ANGPTL6: variants seen among roughly 807,000 people sequenced by gnomAD.
ANGPTL6 encodes the protein angiopoietin-related protein 6.
In ANGPTL6, 45 loss-of-function variants were observed where a neutral mutation model predicts 47.4. The observed-to-expected ratio is 0.95, with a 90% CI of 0.75 to 1.22. The LOEUF (loss-of-function observed/expected upper bound fraction) is 1.22, where lower values mean the gene tolerates loss of function less well. Among genes scored for constraint, ANGPTL6 ranks in the 50% most tolerant of loss-of-function variants. The probability of loss-of-function intolerance (pLI) is 0.00; values close to 1 mark genes in which losing one functional copy is unlikely to be tolerated. For missense variants in ANGPTL6, 698 were observed against 669.4 expected (o/e 1.04, Z -0.47); for synonymous variants, 290 against 295.9 (o/e 0.98, Z 0.20).
chr19:10,101,421 T>G (rs554065346), intron 1 of ANGPTL6, among the ~76,000 whole-genome samples: 1 of 151,964 alleles, frequency 6.6e-6, no homozygotes, highest in African/African-American at 2.4e-5. Context: ...TAAGGGACAC[T>G]TTCACAAAGA....
rs112810952 is a variant in ANGPTL6, at chr19:10,092,514, G to C, written c.*75C>G. ...GGACACATTGGCACTGAGCCACAAA[G>C]AAGGTGTGGCCAGAACAACTTGGGC... On this transcript the variant is annotated 3_prime_UTR_variant, in exon 6 of 6. Coordinates refer to ENST00000253109, the MANE Select transcript of ANGPTL6 (RefSeq NM_031917.3). 6.5e-7 allele frequency: 1 copy of C among 1,527,668 alleles called. No individual in the cohort carries two copies. The highest frequency in any genetic ancestry group is 2.3e-5 in the East Asian group (1 of 44,118). The allele number at this position is 1,527,668 out of a possible 1,614,324, so 94.6% of individuals were successfully genotyped here. A position where few individuals can be genotyped will look rare whatever the true frequency, so the allele number is the denominator to read the frequency against.
upstream of ANGPTL6, among the ~76,000 whole-genome samples, chr19:10,103,397 C>T (rs1191531444): frequency 6.6e-6 from 1 of 151,540 alleles, no homozygotes; most frequent in African/African-American, 2.4e-5. Flanking sequence ...CGAAACCATC[C>T]TTGCCAACAT....
At chr19:10,104,927 G>A (rs546534684), upstream of ANGPTL6, among the ~76,000 whole-genome samples, 7 of 152,232 alleles carry the variant, frequency 4.6e-5, no homozygotes, top group African/African-American at 9.6e-5. Flanking sequence ...CCACACACTC[G>A]GTCACATTTT....
chr19:10,103,913 T>A (rs11085580), upstream of ANGPTL6, among the ~76,000 whole-genome samples: 33,641 of 150,258 alleles, frequency 0.22, 4,125 homozygotes, highest in Middle Eastern at 0.31. Context: ...GCCAAGATGG[T>A]GAAACCCCGT....
At chr19:10,101,972 C>T (rs1414900594) in intron 1 of ANGPTL6, among the ~76,000 whole-genome samples, 7 of 149,382 alleles carry the variant, frequency 4.7e-5, no homozygotes, top group Admixed American at 4.0e-4. Context: ...AAAAATTAGC[C>T]GGGCATGGTG....
At chr19:10,103,170 G>A (rs2088723882), upstream of ANGPTL6, among the ~76,000 whole-genome samples, 1 of 151,814 alleles carries the variant, frequency 6.6e-6, no homozygotes, top group Non-Finnish European at 1.5e-5. Context: ...AGACCAGGAT[G>A]GGAGCCAGCC....
rs1208309284 is a variant in ANGPTL6 at position 10,094,806 on chromosome 19, C to A, written c.715G>T (p.Ala239Ser). Residue 239 changes from alanine to serine, a missense_variant, in exon 3 of 6, where the codon GCT becomes TCT. Ala to Ser is a moderately conservative substitution (Grantham distance 99, BLOSUM62 1). Transcript: ENST00000253109. Reference sequence around the variant, plus strand: ...GGGTGACCTGCAGGCATGGGAGAAGCCATGGGCTCCTGCTGTCTCTGGGTC... The same window carrying A: ...GGGTGACCTGCAGGCATGGGAGAAGACATGGGCTCCTGCTGTCTCTGGGTC... ...DQTQRQQEPM[A>S]SPMPAGHPAV... is the part of the protein sequence containing the mutation. 3.1e-6 allele frequency: 5 copies of A among 1,614,098 alleles called. No homozygotes were observed. The highest frequency in any genetic ancestry group is 3.4e-6 in the Non-Finnish European group (4 of 1,180,044).
At chr19:10,100,784 A>G (rs1404842616) in intron 1 of ANGPTL6, among the ~76,000 whole-genome samples, 2 of 152,232 alleles carry the variant, frequency 1.3e-5, no homozygotes, top group Non-Finnish European at 2.9e-5. Context: ...TCAGAGGGTA[A>G]TCGTGCTTAG....
chr19:10,106,183 C>T (rs1354287511), upstream of ANGPTL6: 6 of 812,538 alleles, frequency 7.4e-6, no homozygotes, highest in Non-Finnish European at 1.1e-5. Context: ...CAGCCCGGAG[C>T]CGCGTAGCCC....
intron 2 of ANGPTL6, 67 bp from the exon 3 acceptor site, chr19:10,095,005 G>A (rs2088495325): frequency 2.1e-6 from 3 of 1,434,288 alleles, no homozygotes; most frequent in African/African-American, 1.4e-5. Flanking sequence ...GGTCTCAGGG[G>A]CAGAAATGGT....
At position 10,099,876 on chromosome 19, in the gene ANGPTL6, T is replaced by C. The variant is rs1425763172; in HGVS notation, c.-11+2692A>G. On this transcript the variant is annotated intron_variant, in intron 1 of 5. Transcript: ENST00000253109. ...CTTTCTCTCTCTCTCTCTCTCTCTC[T>C]CCCCCACGCCCTCTTTTTTTTTTTT... Among the ~76,000 whole-genome samples, 547 of 139,320 alleles carry C rather than the reference T, an allele frequency of 3.9e-3. 2 individuals carry two copies. The highest frequency in any genetic ancestry group is 7.7e-3 in the African/African-American group (290 of 37,582). 91.4% of individuals were successfully genotyped at this position (139,320 alleles called of 152,430 possible).
chr19:10,093,661 C>A, intron 4 of ANGPTL6, 32 bp downstream of exon 4: 1 of 1,613,472 alleles, frequency 6.2e-7, no homozygotes, highest in Non-Finnish European at 8.5e-7. Flanking sequence ...CAGGCTCCCT[C>A]CCCTTCCCTG....
intron 1 of ANGPTL6, among the ~76,000 whole-genome samples, chr19:10,100,142 G>C (rs1011629803): frequency 2.6e-5 from 4 of 151,558 alleles, no homozygotes; most frequent in African/African-American, 9.7e-5. Flanking sequence ...CCAGCTACTC[G>C]GGAGGCTGAG....
At chr19:10,104,168 A>G (rs2088758006), upstream of ANGPTL6, among the ~76,000 whole-genome samples, 1 of 152,098 alleles carries the variant, frequency 6.6e-6, no homozygotes, top group Admixed American at 6.6e-5. Context: ...ACAAGTCAGT[A>G]TAATAGAGAA....
intron 1 of ANGPTL6, among the ~76,000 whole-genome samples, chr19:10,098,563 GT>G (rs2088600459): frequency 6.6e-6 from 1 of 152,064 alleles, no homozygotes. Flanking sequence ...TGTGGCTCAT[GT>G]CTGTAATCCC....
chr19:10,103,464 C>T (rs1568476877), upstream of ANGPTL6, among the ~76,000 whole-genome samples: 1 of 151,486 alleles, frequency 6.6e-6, no homozygotes, highest in Non-Finnish European at 1.5e-5. Flanking sequence ...GTGGCATGCG[C>T]CAGTAATCCC....
intron 2 of ANGPTL6, 22 bp from the exon 3 acceptor site, chr19:10,094,960 G>A (rs1390966112): frequency 6.3e-7 from 1 of 1,585,470 alleles, no homozygotes; most frequent in South Asian, 1.1e-5. Context: ...GAGAAAGTCA[G>A]GTGTAATTGC....
chr19:10,104,081 C>CA (rs33948028), upstream of ANGPTL6, among the ~76,000 whole-genome samples: 25,794 of 74,090 alleles, frequency 0.35, 4,484 homozygotes, highest in African/African-American at 0.49. Flanking sequence ...GACTCTGTCT[C>CA]AAAAAAAAAA....
In ANGPTL6 at chr19:10,096,008, G is replaced by C. The variant is rs752648767; in HGVS notation, c.556C>G (p.Pro186Ala). 15 of 1,356,508 alleles carry C rather than the reference G, an allele frequency of 1.1e-5. No individual in the cohort carries two copies. The highest frequency in any genetic ancestry group is 1.5e-5 in the African/African-American group (1 of 66,346). The allele number at this position is 1,356,508 out of a possible 1,614,324, so 84.0% of individuals were successfully genotyped here. The change falls in exon 2 of 6, where the codon CCG becomes GCG. Residue 186 changes from proline (P) to alanine (A), a missense_variant. By Grantham distance (27) the Pro-to-Ala change is conservative (BLOSUM62 -1). Transcript: ENST00000253109. ...TGCTGCTGCCCGCCCGCGCCTCCCGGGCACAGGCGCTCCAGGCGGGCGATG... is the reference window on the plus strand; with the variant it reads ...TGCTGCTGCCCGCCCGCGCCTCCCGCGCACAGGCGCTCCAGGCGGGCGATG... ...SLIARLERLC[P>A]GGAGGQQQVL...
Sources: allele counts gnomAD v4.1 joint callset (sites outside exome capture counted in the v4.1 genomes callset), GRCh38; gene constraint gnomAD v4.1.1; transcripts MANE v1.5; gene names NCBI Gene and HGNC (gene_info 2026-07-23, HGNC 2026-07-21).